Variants in FGF12 observed in about 807,000 individuals in gnomAD.
FGF12 encodes fibroblast growth factor 12.
A neutral mutation model predicts 23.6 loss-of-function variants in FGF12; 14 were observed. The observed-to-expected ratio is 0.59, with a 90% CI of 0.39 to 0.93. The LOEUF (loss-of-function observed/expected upper bound fraction) is 0.93. Among genes scored for constraint, FGF12 ranks in the 40% least tolerant of loss-of-function variants. FGF12 has a pLI of 0.00. For missense variants in FGF12, 175 were observed against 217.8 expected (o/e 0.80, Z 1.24); for synonymous variants, 62 against 77.3 (o/e 0.80, Z 1.04).
At chr3:192,653,101 C>T (rs1260797063) in intron 2 of FGF12, among the ~76,000 whole-genome samples, 1 of 152,148 alleles carries the variant, frequency 6.6e-6, no homozygotes, top group Non-Finnish European at 1.5e-5. Flanking sequence ...TTGTGAAATG[C>T]TCTTTAGGGA....
intron 4 of FGF12, among the ~76,000 whole-genome samples, chr3:192,194,940 G>A (rs775463988): frequency 6.6e-5 from 10 of 152,150 alleles, no homozygotes; most frequent in East Asian, 1.9e-4. Flanking sequence ...GTCAGATATC[G>A]TGCAAAGGGT....
In FGF12 at chr3:192,692,383, C is replaced by T. The variant is rs564769339; in HGVS notation, c.13+34798G>A. On this transcript the variant is annotated intron_variant, in intron 2 of 5. Transcript: ENST00000445105. ...CATAGGTAAATTAACCAATGTGATA[C>T]ACCACTTTAACAATATAAAAGATTA... is the stretch of plus-strand genomic sequence containing the variant. Among the ~76,000 whole-genome samples the T allele has an allele frequency of 2.6e-5, 4 of 152,250 alleles. No homozygotes were observed. The East Asian group carries it at 7.7e-4, about 29-fold the overall frequency.
chr3:192,311,710 G>A (rs1442196589), intron 4 of FGF12, among the ~76,000 whole-genome samples: 1 of 152,114 alleles, frequency 6.6e-6, no homozygotes, highest in Non-Finnish European at 1.5e-5. Flanking sequence ...TTAATCTTTT[G>A]AGAAACTGCC....
At chr3:192,577,876 G>T (rs200677527) in intron 2 of FGF12, among the ~76,000 whole-genome samples, 1 of 144,564 alleles carries the variant, frequency 6.9e-6, no homozygotes, top group Non-Finnish European at 1.5e-5. Context: ...AATGTGAAGT[G>T]TTAGATAAAG....
intron 2 of FGF12, among the ~76,000 whole-genome samples, chr3:192,495,665 C>T (rs900672971): frequency 6.6e-6 from 1 of 152,070 alleles, no homozygotes; most frequent in Non-Finnish European, 1.5e-5. Context: ...TATTCCAAAT[C>T]CAATAGCCCT....
intron 2 of FGF12, among the ~76,000 whole-genome samples, chr3:192,389,809 G>A (rs980553293): frequency 3.9e-5 from 6 of 152,164 alleles, no homozygotes; most frequent in Non-Finnish European, 5.9e-5. Flanking sequence ...AGGAACAAAT[G>A]GTGAAATAAA....
intron 2 of FGF12, among the ~76,000 whole-genome samples, chr3:192,371,393 T>C (rs1719224235): frequency 6.6e-6 from 1 of 152,244 alleles, no homozygotes; most frequent in Admixed American, 6.5e-5. Context: ...AGCTGCATGG[T>C]ATCCAGAAAG....
chr3:192,457,384 G>A (rs1305199195), intron 2 of FGF12, among the ~76,000 whole-genome samples: 2 of 152,188 alleles, frequency 1.3e-5, no homozygotes, highest in African/African-American at 4.8e-5. Context: ...ACCTCCTAGA[G>A]ACTTGTTGAA....
chr3:192,381,199 A>C (rs941305172), intron 2 of FGF12, among the ~76,000 whole-genome samples: 2 of 152,116 alleles, frequency 1.3e-5, no homozygotes, highest in African/African-American at 2.4e-5. Context: ...TGACAGACAC[A>C]TTTCTCCAAA....
chr3:192,656,032 G>A (rs1716401855), intron 2 of FGF12, among the ~76,000 whole-genome samples: 1 of 130,862 alleles, frequency 7.6e-6, no homozygotes, highest in Admixed American at 7.9e-5. Flanking sequence ...TCATCCAGGA[G>A]GTTCAGGCAA....
chr3:192,463,261 A>G (rs2108808798), intron 2 of FGF12, among the ~76,000 whole-genome samples: 1 of 152,168 alleles, frequency 6.6e-6, no homozygotes, highest in South Asian at 2.1e-4. Flanking sequence ...TCTACTAAAA[A>G]TACAAAAAAT....
At chr3:192,535,475 T>C (rs1260441994) in intron 2 of FGF12, among the ~76,000 whole-genome samples, 1 of 152,170 alleles carries the variant, frequency 6.6e-6, no homozygotes, top group Admixed American at 6.5e-5. Context: ...GGAATTAATC[T>C]GCAGAACAAT....
At chr3:192,634,711 C>A (rs1367803617) in intron 2 of FGF12, among the ~76,000 whole-genome samples, 1 of 151,838 alleles carries the variant, frequency 6.6e-6, no homozygotes, top group Admixed American at 6.6e-5. Context: ...GAATAAATTA[C>A]TTTATATATT....
In FGF12 at chr3:192,170,748, C is replaced by T. The variant is rs79006332; in HGVS notation, c.229-92G>A. The T allele has an allele frequency of 0.041, 44,598 of 1,084,766 alleles. 1,199 individuals are homozygous for T. The highest frequency in any genetic ancestry group is 0.061 in the Admixed American group (2,673 of 43,682). 67.2% of individuals were successfully genotyped at this position (1,084,766 alleles called of 1,614,324 possible). Reference sequence around the variant, plus strand: ...AATCCAATAAGCTTGAAATCCATGTCCTCTGTTAAGAACAAATGAAAGGCA... The same window carrying T: ...AATCCAATAAGCTTGAAATCCATGTTCTCTGTTAAGAACAAATGAAAGGCA... On this transcript the variant is annotated intron_variant, in intron 4 of 5. Transcript: ENST00000445105.
At chr3:192,204,838 A>G (rs1717562123) in intron 4 of FGF12, among the ~76,000 whole-genome samples, 1 of 152,108 alleles carries the variant, frequency 6.6e-6, no homozygotes, top group Non-Finnish European at 1.5e-5. Context: ...GTGAGCCAAG[A>G]TCGCACCAAG....
At chr3:192,276,685 A>G (rs1282110566) in intron 4 of FGF12, among the ~76,000 whole-genome samples, 1 of 152,140 alleles carries the variant, frequency 6.6e-6, no homozygotes, top group Non-Finnish European at 1.5e-5. Context: ...GATAGAAACC[A>G]GAACCCCATT....
At chr3:192,578,040 T>C (rs979797056) in intron 2 of FGF12, among the ~76,000 whole-genome samples, 2 of 152,164 alleles carry the variant, frequency 1.3e-5, no homozygotes, top group Admixed American at 1.3e-4. Flanking sequence ...GCAGGGTATC[T>C]AAAATAGCAA....
chr3:192,442,242 T>C (rs73066255), intron 2 of FGF12, among the ~76,000 whole-genome samples: 3,353 of 152,262 alleles, frequency 0.022, 99 homozygotes, highest in African/African-American at 0.072. Flanking sequence ...TGTGCATTCA[T>C]TGGGCTGATA....
intron 2 of FGF12, among the ~76,000 whole-genome samples, chr3:192,666,358 G>A (rs1406048052): frequency 6.6e-6 from 1 of 152,140 alleles, no homozygotes; most frequent in African/African-American, 2.4e-5. Context: ...AAATATGGAT[G>A]GATGCTCATT....
Sources: allele counts gnomAD v4.1 joint callset (sites outside exome capture counted in the v4.1 genomes callset), GRCh38; gene constraint gnomAD v4.1.1; transcripts MANE v1.5; gene names NCBI Gene and HGNC (gene_info 2026-07-23, HGNC 2026-07-21).